Variants in HYDIN observed in about 807,000 individuals in gnomAD.
The protein encoded by HYDIN is HYDIN axonemal central pair apparatus protein.
HYDIN carries 132 observed loss-of-function variants against 403.9 expected under a neutral mutation model. The ratio of observed to expected loss-of-function variants is 0.33; its 90% CI spans 0.28 to 0.38. The LOEUF (loss-of-function observed/expected upper bound fraction) is 0.38. Ranked by LOEUF, HYDIN falls within the 10% of genes least tolerant of loss-of-function variation. The pLI is 1.00. For synonymous variants in HYDIN, 1,202 were observed against 1,891.7 expected, an observed-to-expected ratio of 0.64 and a Z score of 9.46; for missense variants, 2,827 against 5,009.5, an observed-to-expected ratio of 0.56 and a Z score of 13.15.
At chr16:71,034,031 G>A (rs1263083615) in intron 18 of HYDIN, among the ~76,000 whole-genome samples, 2 of 151,998 alleles carry the variant, frequency 1.3e-5, no homozygotes, top group Non-Finnish European at 2.9e-5. Flanking sequence ...TCAGAAAAGA[G>A]TTTGATTATT....
rs961952493 is a variant in HYDIN, at chr16:71,009,265, G to A, written c.3644+8864C>T. 2.7e-5 allele frequency among the ~76,000 whole-genome samples: 4 copies of A among 146,278 alleles called. No homozygotes were observed. In the Admixed American group the frequency reaches 2.7e-4, roughly 10 times the overall value. ...AGGTAATATGGCAGAGGGCAGAGCC[G>A]AGGGATGATGGAAGAGACACTAGGT... On this transcript the variant is annotated intron_variant, in intron 23 of 85. Transcript: ENST00000393567.
chr16:71,176,944 T>C (rs979496490), intron 4 of HYDIN, among the ~76,000 whole-genome samples: 8 of 152,312 alleles, frequency 5.3e-5, no homozygotes, highest in Non-Finnish European at 7.4e-5. Context: ...TCTCTCCCCA[T>C]GGTTCTTTAT....
rs1462464165 is a variant in HYDIN, at chr16:71,000,698, C to G, written c.3645-8488G>C. ...AAGCTCAGATTTCAGAGATGGCAGA[C>G]AGTCCTCTCATTAGCCTCAGTGGGT... On this transcript the variant is annotated intron_variant, in intron 23 of 85. Transcript: ENST00000393567. Among the ~76,000 whole-genome samples, 14 of 151,872 alleles carry G rather than the reference C, an allele frequency of 9.2e-5. No individual in the cohort carries two copies. The East Asian group carries it at 1.8e-3, about 19-fold the overall frequency.
intron 1 of HYDIN, among the ~76,000 whole-genome samples, chr16:71,195,264 AAAAAG>A (rs1464974965): frequency 6.6e-6 from 1 of 152,052 alleles, no homozygotes; most frequent in African/African-American, 2.4e-5. Context: ...TAAAAAAAAA[AAAAAG>A]AAAAGAAAAA....
intron 28 of HYDIN, among the ~76,000 whole-genome samples, chr16:70,982,745 A>G (rs1362005561): frequency 2.2e-4 from 30 of 136,836 alleles, no homozygotes; most frequent in Non-Finnish European, 3.7e-4. Flanking sequence ...GTTTTAACAT[A>G]TTTTTAAAAA....
chr16:71,057,368 T>C (rs2081934925), intron 18 of HYDIN, among the ~76,000 whole-genome samples: 1 of 151,878 alleles, frequency 6.6e-6, no homozygotes, highest in South Asian at 2.1e-4. Context: ...TCATAATGAG[T>C]AAAGATAAAT....
chr16:71,175,908 A>G lies in HYDIN; in HGVS notation c.382-167T>C, dbSNP rs779595213. The stretch of plus-strand genomic sequence containing the variant: ...TAGTACTTATCTTTATCCCATACAA[A>G]GTAAGCACCCAATACCTTCTAGCTT... On this transcript the variant is annotated intron_variant, in intron 4 of 85. Transcript: ENST00000393567. 1.7e-5 allele frequency: 12 copies of G among 709,224 alleles called. 1 individual carries two copies. The highest frequency in any genetic ancestry group is 1.6e-4 in the South Asian group (11 of 66,688). 43.9% of individuals were successfully genotyped at this position (709,224 alleles called of 1,614,324 possible).
intron 1 of HYDIN, among the ~76,000 whole-genome samples, chr16:71,206,461 G>A (rs888503088): frequency 2.0e-5 from 3 of 152,116 alleles, no homozygotes; most frequent in Admixed American, 6.5e-5. Flanking sequence ...AAGGAACATT[G>A]GCCCACACAG....
At chr16:70,943,615 A>G (rs1419008840) in intron 42 of HYDIN, among the ~76,000 whole-genome samples, 197 bp downstream of exon 42, 4 of 152,192 alleles carry the variant, frequency 2.6e-5, no homozygotes, top group Non-Finnish European at 2.9e-5. Context: ...TGGTCCTTGA[A>G]GAAGGTGAAT....
intron 45 of HYDIN, among the ~76,000 whole-genome samples, chr16:70,927,969 C>CA (rs886278832): frequency 1.3e-4 from 19 of 143,706 alleles, no homozygotes; most frequent in South Asian, 8.8e-4. Flanking sequence ...AAACAAAAAA[C>CA]AAAAAAAACA....
intron 13 of HYDIN, 135 bp from the exon 14 acceptor site, chr16:71,069,637 C>G: frequency 1.6e-6 from 1 of 642,418 alleles, no homozygotes. Flanking sequence ...CCAACTTGCC[C>G]TAAATATTAT....
intron 12 of HYDIN, among the ~76,000 whole-genome samples, chr16:71,082,031 T>G (rs1264114028): frequency 6.8e-6 from 1 of 147,898 alleles, no homozygotes; most frequent in Non-Finnish European, 1.5e-5. Flanking sequence ...TAATATTTGT[T>G]ATGATCTTTC....
At chr16:70,990,988 T>C (rs2079333095) in intron 25 of HYDIN, among the ~76,000 whole-genome samples, 1 of 152,266 alleles carries the variant, frequency 6.6e-6, no homozygotes, top group South Asian at 2.1e-4. Context: ...TGCACATCTT[T>C]GTATCTCCAA....
At chr16:70,977,829 T>G (rs1279852283) in intron 30 of HYDIN, among the ~76,000 whole-genome samples, 5 of 151,502 alleles carry the variant, frequency 3.3e-5, no homozygotes, top group Non-Finnish European at 1.5e-5. Context: ...CACCACATGC[T>G]CCTGACTTTT....
chr16:71,208,846 G>A (rs1293526130), intron 1 of HYDIN, among the ~76,000 whole-genome samples: 2 of 152,076 alleles, frequency 1.3e-5, no homozygotes, highest in African/African-American at 2.4e-5. Flanking sequence ...CTGAATCAGG[G>A]AGAAATTGAA....
intron 18 of HYDIN, among the ~76,000 whole-genome samples, chr16:71,041,475 G>T (rs1424115549): frequency 6.6e-6 from 1 of 152,182 alleles, no homozygotes; most frequent in African/African-American, 2.4e-5. Flanking sequence ...TCTATCAGTA[G>T]GGGATTAGTT....
At chr16:70,926,177 C>T (rs1030933804) in intron 45 of HYDIN, among the ~76,000 whole-genome samples, 5 of 146,998 alleles carry the variant, frequency 3.4e-5, no homozygotes, top group African/African-American at 1.2e-4. Flanking sequence ...TTTATTGCGG[C>T]ACTATTCACA....
At chr16:71,092,580 T>C (rs1198317725) in intron 11 of HYDIN, among the ~76,000 whole-genome samples, 1 of 152,074 alleles carries the variant, frequency 6.6e-6, no homozygotes, top group Non-Finnish European at 1.5e-5. Context: ...GGGGTGGTTT[T>C]TGTTTTTTTG....
In HYDIN at chr16:71,149,674, A is replaced by G. The variant is rs537339038; in HGVS notation, c.841+2985T>C. Among the ~76,000 whole-genome samples, 23 of 152,034 alleles carry G rather than the reference A, an allele frequency of 1.5e-4. No individual in the cohort carries two copies. The South Asian group carries it at 4.6e-3, about 30-fold the overall frequency. On this transcript the variant is annotated intron_variant, in intron 7 of 85. Transcript: ENST00000393567. The stretch of plus-strand genomic sequence containing the variant: ...CCTGAGTGGCTGGGACCACAGGCAC[A>G]TGCCGCCATGCCTGCCTAATTTTTT...
Sources: allele counts gnomAD v4.1 joint callset (sites outside exome capture counted in the v4.1 genomes callset), GRCh38; gene constraint gnomAD v4.1.1; transcripts MANE v1.5; gene names NCBI Gene and HGNC (gene_info 2026-07-23, HGNC 2026-07-21).